The following NKAIN2 variants were observed in gnomAD, a reference collection of about 807,000 sequenced individuals.
The protein encoded by NKAIN2 is sodium/potassium transporting ATPase interacting 2.
NKAIN2 carries 14 observed loss-of-function variants against 32.6 expected under a neutral mutation model. That is an observed-to-expected ratio of 0.43 (90% CI 0.28 to 0.67). The LOEUF is 0.67. Ranked by LOEUF, NKAIN2 falls within the 30% of genes least tolerant of loss-of-function variation. NKAIN2 has a pLI of 0.17. For synonymous variants in NKAIN2, 80 were observed against 87.2 expected (o/e 0.92, Z 0.46); for missense variants, 198 against 258.3 (o/e 0.77, Z 1.60).
chr6:124,477,800 TC>T (rs1279576187), intron 3 of NKAIN2, among the ~76,000 whole-genome samples: 2 of 117,684 alleles, frequency 1.7e-5, no homozygotes, highest in Non-Finnish European at 3.5e-5. Context: ...CTCTTCCCCT[TC>T]CCCCCTCCTC....
Position 123,875,653 on chromosome 6 carries a change from AC to A in NKAIN2, c.54+71401del, listed in dbSNP as rs1773136652. Among the ~76,000 whole-genome samples the A allele has an allele frequency of 1.3e-5, 2 of 151,902 alleles. 1 individual carries two copies. Among genetic ancestry groups the A allele is most frequent in the East Asian group, 3.9e-4 (2 of 5,168 alleles). On this transcript the variant is annotated intron_variant, in intron 1 of 6. Coordinates refer to ENST00000368417, the MANE Select transcript of NKAIN2 (RefSeq NM_001040214.3). ...GAGGTTTTAAGGTTTATATAATTAA[AC>A]CTATTTGCCTTTTCTTTTGTAGTTT...
chr6:124,379,129 AGG>A (rs1800120146), intron 3 of NKAIN2, among the ~76,000 whole-genome samples: 1 of 60,986 alleles, frequency 1.6e-5, no homozygotes, highest in Non-Finnish European at 3.3e-5. Context: ...AGGGGAGGGG[AGG>A]AGAGGGGAGG....
chr6:124,141,873 A>G (rs529656995), intron 1 of NKAIN2, among the ~76,000 whole-genome samples: 40 of 152,302 alleles, frequency 2.6e-4, no homozygotes, highest in African/African-American at 9.6e-4. Context: ...AATTGCAACC[A>G]GTTCACAACT....
At chr6:124,139,086 T>TCTAAAAGCTAG (rs1787000007) in intron 1 of NKAIN2, among the ~76,000 whole-genome samples, 1 of 128,284 alleles carries the variant, frequency 7.8e-6, no homozygotes, top group African/African-American at 3.0e-5. Flanking sequence ...AAAATTTTTT[T>TCTAAAAGCTAG]TTTTTTTTTT....
At chr6:124,625,635 T>TAAAA (rs1207573077) in intron 3 of NKAIN2, among the ~76,000 whole-genome samples, 1 of 152,146 alleles carries the variant, frequency 6.6e-6, no homozygotes, top group Non-Finnish European at 1.5e-5. Flanking sequence ...TTTTACAATG[T>TAAAA]AAAAAGTTAT....
At chr6:124,571,114 A>G (rs966215832) in intron 3 of NKAIN2, among the ~76,000 whole-genome samples, 1 of 152,148 alleles carries the variant, frequency 6.6e-6, no homozygotes, top group Non-Finnish European at 1.5e-5. Flanking sequence ...AATTGCTTCC[A>G]TCTGGAACAG....
chr6:123,915,174 G>T (rs1391429735), intron 1 of NKAIN2, among the ~76,000 whole-genome samples: 1 of 152,094 alleles, frequency 6.6e-6, no homozygotes, highest in Non-Finnish European at 1.5e-5. Flanking sequence ...CTTGCTCAAC[G>T]CAAAAATCTG....
chr6:123,839,545 G>A (rs1774779032), intron 1 of NKAIN2, among the ~76,000 whole-genome samples: 1 of 151,876 alleles, frequency 6.6e-6, no homozygotes. Flanking sequence ...TTCTTAGAGA[G>A]TTTGTAGTTC....
At chr6:124,140,828 A>G (rs1340214477) in intron 1 of NKAIN2, among the ~76,000 whole-genome samples, 1 of 152,194 alleles carries the variant, frequency 6.6e-6, no homozygotes, top group Non-Finnish European at 1.5e-5. Context: ...GCAACATACA[A>G]TGTTTTGATT....
intron 1 of NKAIN2, among the ~76,000 whole-genome samples, chr6:123,988,001 T>C (rs1235178849): frequency 6.6e-6 from 1 of 152,176 alleles, no homozygotes; most frequent in Admixed American, 6.5e-5. Context: ...GAATGGACTA[T>C]ATGTCAGATG....
At chr6:124,771,577 A>G (rs1778757893) in intron 4 of NKAIN2, among the ~76,000 whole-genome samples, 1 of 152,228 alleles carries the variant, frequency 6.6e-6, no homozygotes, top group African/African-American at 2.4e-5. Flanking sequence ...AGCAGCATAT[A>G]TAATACAATG....
intron 1 of NKAIN2, among the ~76,000 whole-genome samples, chr6:123,910,055 A>C (rs1029569659): frequency 1.3e-4 from 20 of 152,218 alleles, no homozygotes; most frequent in Admixed American, 1.3e-4. Context: ...TTTAGAATAC[A>C]TGGTTTGGAA....
chr6:124,727,648 A>T (rs1776400622), intron 4 of NKAIN2, among the ~76,000 whole-genome samples: 1 of 151,218 alleles, frequency 6.6e-6, no homozygotes, highest in African/African-American at 2.4e-5. Flanking sequence ...AACTCCATCA[A>T]CTAACGAGCA....
intron 4 of NKAIN2, among the ~76,000 whole-genome samples, chr6:124,713,536 GT>G (rs1206180109): frequency 6.6e-6 from 1 of 152,130 alleles, no homozygotes; most frequent in Non-Finnish European, 1.5e-5. Context: ...AATGGAGGGG[GT>G]AGAGCTTACA....
At chr6:124,195,388 G>A (rs999239219) in intron 1 of NKAIN2, among the ~76,000 whole-genome samples, 5 of 152,012 alleles carry the variant, frequency 3.3e-5, no homozygotes, top group Non-Finnish European at 7.4e-5. Flanking sequence ...TTCACAATAG[G>A]AAACAAATTC....
intron 1 of NKAIN2, among the ~76,000 whole-genome samples, chr6:124,001,774 T>A: frequency 6.9e-6 from 1 of 144,936 alleles, no homozygotes; most frequent in East Asian, 2.0e-4. Context: ...ACTTTTTAAA[T>A]AGAAAAAGAA....
At chr6:124,451,429 G>A (rs909601896) in intron 3 of NKAIN2, among the ~76,000 whole-genome samples, 3 of 152,142 alleles carry the variant, frequency 2.0e-5, no homozygotes, top group African/African-American at 7.2e-5. Flanking sequence ...ATATAAGCTA[G>A]ATGACTGATG....
chr6:123,814,125 C>T (rs2114870778), intron 1 of NKAIN2, among the ~76,000 whole-genome samples: 1 of 152,178 alleles, frequency 6.6e-6, no homozygotes, highest in Admixed American at 6.5e-5. Flanking sequence ...GAATTAAAGG[C>T]TTCTTTCATT....
chr6:123,927,536 G>C (rs1215901911), intron 1 of NKAIN2, among the ~76,000 whole-genome samples: 1 of 152,160 alleles, frequency 6.6e-6, no homozygotes, highest in Non-Finnish European at 1.5e-5. Flanking sequence ...GAATATGTCC[G>C]ATGCCTCCAA....
Sources: gnomAD v4.1 joint callset for allele counts (sites outside exome capture counted in the v4.1 genomes callset) on GRCh38, gnomAD v4.1.1 for gene constraint, MANE v1.5 for transcripts, NCBI Gene and HGNC (gene_info 2026-07-23, HGNC 2026-07-21) for gene names.